Variants in IQGAP1 observed in about 807,000 individuals in gnomAD.
IQGAP1 encodes ras GTPase-activating-like protein IQGAP1.
Under a neutral mutation model 215.6 loss-of-function variants are expected in IQGAP1, and 66 were observed. The observed-to-expected ratio is 0.31, with a 90% CI of 0.25 to 0.38. The LOEUF is 0.38. Among genes scored for constraint, IQGAP1 ranks in the 10% least tolerant of loss-of-function variants. IQGAP1 has a pLI of 1.00. For synonymous variants in IQGAP1, 772 were observed against 728.7 expected (o/e 1.06, Z -0.96); for missense variants, 1,712 against 1,997.1 (o/e 0.86, Z 2.72).
At chr15:90,434,067 G>A (rs1200316614) in intron 5 of IQGAP1, among the ~76,000 whole-genome samples, 1 of 152,090 alleles carries the variant, frequency 6.6e-6, no homozygotes, top group African/African-American at 2.4e-5. Context: ...TGTGAACTAT[G>A]CATTCACTTG....
chr15:90,400,979 C>G (rs1450329989), intron 2 of IQGAP1, among the ~76,000 whole-genome samples: 2 of 152,162 alleles, frequency 1.3e-5, no homozygotes, highest in Non-Finnish European at 2.9e-5. Context: ...AACCCCTTGA[C>G]AAGAAGTATT....
chr15:90,392,201 T>A (rs1964645439), intron 2 of IQGAP1, among the ~76,000 whole-genome samples: 1 of 152,192 alleles, frequency 6.6e-6, no homozygotes, highest in South Asian at 2.1e-4. Context: ...AGGCTTCTTT[T>A]CTGAGCTTAA....
At chr15:90,474,994 CTTTTTTT>C (rs771704265) in intron 23 of IQGAP1, 16 of 119,552 alleles carry the variant, frequency 1.3e-4, no homozygotes, top group South Asian at 3.6e-4. Context: ...TGATTTTTGG[CTTTTTTT>C]TTTTTTTTTT....
At chr15:90,431,352 G>C (rs947362948) in intron 4 of IQGAP1, 3 of 151,916 alleles carry the variant, frequency 2.0e-5, no homozygotes, top group Non-Finnish European at 4.4e-5. Context: ...TCCTTTCCCT[G>C]TTTTTTAATA....
chr15:90,486,187 T>C lies in IQGAP1; in HGVS notation c.4024+55T>C, dbSNP rs1267504253. ...AAAAGGGAATGTGACAGAAAAGTGTTGTAATTGTCACCTCCTCTATTTTTT... is the reference window on the plus strand; with the variant it reads ...AAAAGGGAATGTGACAGAAAAGTGTCGTAATTGTCACCTCCTCTATTTTTT... On this transcript the variant is annotated intron_variant, in intron 31 of 37. Transcript: ENST00000268182. 105 of 1,233,870 alleles carry C rather than the reference T, an allele frequency of 8.5e-5. 1 individual carries two copies. Among genetic ancestry groups the C allele is most frequent in the Non-Finnish European group, 1.1e-4 (94 of 849,108 alleles). The allele number at this position is 1,233,870 out of a possible 1,614,324, so 76.4% of individuals were successfully genotyped here. A position where few individuals can be genotyped will look rare whatever the true frequency, so the allele number is the denominator to read the frequency against.
chr15:90,498,092 T>C (rs775821327), intron 37 of IQGAP1, among the ~76,000 whole-genome samples: 5 of 132,280 alleles, frequency 3.8e-5, no homozygotes, highest in Non-Finnish European at 7.8e-5. Flanking sequence ...CTCCATGGAG[T>C]ACTTCCATGG....
chr15:90,456,312 C>T lies in IQGAP1; in HGVS notation c.1773C>T (p.Ala591=), dbSNP rs1965679644. 2 of 1,613,680 alleles carry T rather than the reference C, an allele frequency of 1.2e-6. No homozygotes were observed. The highest frequency in any genetic ancestry group is 1.7e-6 in the Non-Finnish European group (2 of 1,179,852). ...TGATTAGAGCGAAGAGAGAGAAAGC[C>T]CAGGTGAGTGGCATCGGAATTGTTC... ...DTLIRAKREK[A]QEIQDESAVL... Residue 591 remains alanine, a synonymous_variant, in exon 15 of 38, where the codon GCC becomes GCT. Coordinates refer to ENST00000268182, the MANE Select transcript of IQGAP1 (RefSeq NM_003870.4).
chr15:90,427,145 C>T (rs1296515564), intron 3 of IQGAP1, among the ~76,000 whole-genome samples: 1 of 151,874 alleles, frequency 6.6e-6, no homozygotes, highest in Non-Finnish European at 1.5e-5. Flanking sequence ...TGCTGTAGTC[C>T]TGGCTACTTG....
chr15:90,453,136 A>G lies in IQGAP1; in HGVS notation c.1331A>G (p.Asn444Ser). The G allele has an allele frequency of 6.2e-7, 1 of 1,610,606 alleles. No individual in the cohort carries two copies. Among genetic ancestry groups the G allele is most frequent in the Non-Finnish European group, 8.5e-7 (1 of 1,178,542 alleles). Residue 444 changes from asparagine (N) to serine (S), a missense_variant, in exon 13 of 38, where the codon AAT becomes AGT. Coordinates refer to ENST00000268182, the MANE Select transcript of IQGAP1 (RefSeq NM_003870.4). ...CTTCTGTCCCTTTCTGTACAGCATA[A>G]TCTCACCCACCCAGAGCTCTCTGTC... is the stretch of plus-strand genomic sequence containing the variant. ...ATLQRQSPEH[N>S]LTHPELSVAV...
At chr15:90,496,567 C>A (rs1327519511) in intron 36 of IQGAP1, 1 of 152,168 alleles carries the variant, frequency 6.6e-6, no homozygotes, top group East Asian at 1.9e-4. Context: ...GTGATCCGCC[C>A]GCCTCGGTCT....
chr15:90,466,031 T>C lies in IQGAP1; in HGVS notation c.1807T>C (p.Leu603=). The C allele has an allele frequency of 6.2e-7, 1 of 1,614,064 alleles. No individual in the cohort carries two copies. Among genetic ancestry groups the C allele is most frequent in the East Asian group, 2.2e-5 (1 of 44,876 alleles). The change falls in exon 16 of 38, where the codon TTG becomes CTG. Residue 603 remains leucine, a synonymous_variant. Coordinates refer to ENST00000268182, the MANE Select transcript of IQGAP1 (RefSeq NM_003870.4). The stretch of plus-strand genomic sequence containing the variant: ...CCAGGATGAGTCAGCTGTGTTATGG[T>C]TGGATGAAATTCAAGGTGGAATCTG... The part of the protein sequence containing the change: ...EIQDESAVLW[L]DEIQGGIWQS...
intron 2 of IQGAP1, among the ~76,000 whole-genome samples, chr15:90,403,305 T>C (rs987250424): frequency 2.6e-5 from 4 of 152,196 alleles, no homozygotes; most frequent in East Asian, 3.8e-4. Flanking sequence ...CTTTTCATAA[T>C]TGATAGTTTA....
At chr15:90,419,583 T>G (rs866905248) in intron 2 of IQGAP1, among the ~76,000 whole-genome samples, 21 of 152,164 alleles carry the variant, frequency 1.4e-4, no homozygotes, top group African/African-American at 5.1e-4. Flanking sequence ...TTGTTACATC[T>G]CTTGTGAAAA....
intron 13 of IQGAP1, among the ~76,000 whole-genome samples, chr15:90,453,623 A>G (rs892152574): frequency 1.3e-5 from 2 of 152,156 alleles, no homozygotes; most frequent in African/African-American, 4.8e-5. Context: ...TGTTTTGTTG[A>G]AAACAAGATC....
Position 90,484,347 on chromosome 15 carries a change from C to T in IQGAP1, c.3916C>T (p.His1306Tyr), listed in dbSNP as rs749880288. ...YISIGEIINT[H>Y]TLLLDHQDAI... ...TTCCATTGGTGAAATCATCAACACC[C>T]ACACTGTAAGTATTTTTCTTTAATT... The change falls in exon 30 of 38, where the codon CAC becomes TAC. Residue 1306 changes from histidine to tyrosine, a missense_variant. His to Tyr is a moderately conservative substitution (Grantham distance 83). Coordinates refer to ENST00000268182, the MANE Select transcript of IQGAP1 (RefSeq NM_003870.4). 4.3e-6 allele frequency: 7 copies of T among 1,609,540 alleles called. No individual in the cohort carries two copies. The Admixed American group carries it at 6.7e-5, about 15-fold the overall frequency.
At position 90,452,849 on chromosome 15, in the gene IQGAP1, A is replaced by C; in HGVS notation, c.1237A>C (p.Asn413His). 1 of 1,614,160 alleles carries C rather than the reference A, an allele frequency of 6.2e-7. No homozygotes were observed. The highest frequency in any genetic ancestry group is 2.2e-5 in the East Asian group (1 of 44,888). ...TGAGAAGACTGTTTTGGAACTGATG[A>C]ATCCCGAAGCCCAGCTGCCCCAGGT... ...VAEKTVLELMNPEAQLPQVYP... is the reference protein window; with the variant it reads ...VAEKTVLELMHPEAQLPQVYP... Residue 413 changes from asparagine (N) to histidine (H), a missense_variant, in exon 12 of 38, where the codon AAT (asparagine) becomes CAT (histidine). Physicochemically the swap from Asn to His is moderately conservative, Grantham distance 68. Coordinates refer to ENST00000268182, the MANE Select transcript of IQGAP1 (RefSeq NM_003870.4).
chr15:90,449,474 G>T, intron 10 of IQGAP1, 85 bp from the exon 11 acceptor site: 1 of 1,115,250 alleles, frequency 9.0e-7, no homozygotes, highest in Non-Finnish European at 1.3e-6. Flanking sequence ...TCTGTCCCTA[G>T]TGACTGCTTT....
At chr15:90,497,520 T>C (rs925681584) in intron 37 of IQGAP1, among the ~76,000 whole-genome samples, 180 bp downstream of exon 37, 1 of 152,228 alleles carries the variant, frequency 6.6e-6, no homozygotes, top group East Asian at 1.9e-4. Context: ...GTGTGCGCTC[T>C]GGAGAGCTTT....
intron 17 of IQGAP1, 92 bp from the exon 18 acceptor site, chr15:90,467,358 C>T (rs1965845782): frequency 7.6e-7 from 1 of 1,313,092 alleles, no homozygotes; most frequent in African/African-American, 1.5e-5. Flanking sequence ...TTCATTTAGA[C>T]TGTGAGACTA....
Sources: gnomAD v4.1 joint callset for allele counts (sites outside exome capture counted in the v4.1 genomes callset) on GRCh38, gnomAD v4.1.1 for gene constraint, MANE v1.5 for transcripts, NCBI Gene and HGNC (gene_info 2026-07-23, HGNC 2026-07-21) for gene names.